Variants in KCNJ3 observed in about 807,000 individuals in gnomAD.
The protein encoded by KCNJ3 is G protein-activated inward rectifier potassium channel 1.
In KCNJ3, 4 loss-of-function variants were observed where a neutral mutation model predicts 39.2. That is an observed-to-expected ratio of 0.10 (90% confidence interval 0.05 to 0.23). The LOEUF (loss-of-function observed/expected upper bound fraction) is 0.23. Among genes scored for constraint, KCNJ3 ranks in the 10% least tolerant of loss-of-function variants. KCNJ3 has a pLI of 1.00. For missense variants in KCNJ3, 276 were observed against 634.9 expected (o/e 0.43, Z 6.08); for synonymous variants, 230 against 237.4 (o/e 0.97, Z 0.29).
At chr2:154,724,481 C>T (rs573987982) in intron 2 of KCNJ3, among the ~76,000 whole-genome samples, 5 of 152,084 alleles carry the variant, frequency 3.3e-5, no homozygotes, top group South Asian at 2.1e-4. Flanking sequence ...TCGTACAGCT[C>T]GAGAATTTTC....
intron 2 of KCNJ3, among the ~76,000 whole-genome samples, chr2:154,806,048 T>G (rs1456286925): frequency 1.3e-5 from 2 of 152,228 alleles, no homozygotes; most frequent in East Asian, 3.9e-4. Flanking sequence ...ATATTCCATT[T>G]GTTTTTTGAA....
At chr2:154,770,872 T>A (rs1397845975) in intron 2 of KCNJ3, among the ~76,000 whole-genome samples, 1 of 148,538 alleles carries the variant, frequency 6.7e-6, no homozygotes, top group Non-Finnish European at 1.5e-5. Context: ...AGTCTCAAGA[T>A]TTTTTTCTTT....
At chr2:154,740,277 C>T (rs1558861356) in intron 2 of KCNJ3, among the ~76,000 whole-genome samples, 1 of 151,928 alleles carries the variant, frequency 6.6e-6, no homozygotes, top group Admixed American at 6.6e-5. Flanking sequence ...ATCTTATGTT[C>T]CCTGTTGTTG....
intron 2 of KCNJ3, among the ~76,000 whole-genome samples, chr2:154,768,738 C>T (rs1038253842): frequency 4.6e-5 from 7 of 152,122 alleles, no homozygotes; most frequent in African/African-American, 1.2e-4. Flanking sequence ...GCATTGGTAG[C>T]TTGATGGGGA....
At chr2:154,747,607 A>G (rs1236553333) in intron 2 of KCNJ3, among the ~76,000 whole-genome samples, 1 of 151,986 alleles carries the variant, frequency 6.6e-6, no homozygotes, top group Non-Finnish European at 1.5e-5. Context: ...TCTCCATTAT[A>G]AGTAAACGGC....
intron 2 of KCNJ3, among the ~76,000 whole-genome samples, chr2:154,805,509 A>G (rs554945131): frequency 4.4e-4 from 67 of 152,310 alleles, no homozygotes; most frequent in African/African-American, 1.4e-3. Context: ...TAAAGTCAGC[A>G]CATCATATGA....
At chr2:154,817,551 T>G (rs1023283940) in intron 2 of KCNJ3, among the ~76,000 whole-genome samples, 2 of 152,166 alleles carry the variant, frequency 1.3e-5, no homozygotes, top group Admixed American at 6.6e-5. Context: ...CATAGAATTT[T>G]AGGATTATGG....
intron 2 of KCNJ3, among the ~76,000 whole-genome samples, chr2:154,809,272 CAGTCAGATA>C (rs1249009883): frequency 1.3e-5 from 2 of 152,034 alleles, no homozygotes; most frequent in Admixed American, 1.3e-4. Context: ...CAGATCTCAC[CAGTCAGATA>C]AGTCAGATAA....
rs151111703 is a variant in KCNJ3 at position 154,761,965 on chromosome 2, G to A, written c.919+52146G>A. 5.3e-5 allele frequency among the ~76,000 whole-genome samples: 8 copies of A among 152,176 alleles called. No homozygotes were observed. The East Asian group carries it at 1.5e-3, about 29-fold the overall frequency. On this transcript the variant is annotated intron_variant, in intron 2 of 2. Transcript: ENST00000295101. Reference sequence around the variant, plus strand: ...CAGGTGTACCCAGTGACATCACAGAGTCCTTATAAAAAAAAAGTCTGAGAA... The same window carrying A: ...CAGGTGTACCCAGTGACATCACAGAATCCTTATAAAAAAAAAGTCTGAGAA...
At chr2:154,740,999 G>A (rs952400356) in intron 2 of KCNJ3, among the ~76,000 whole-genome samples, 1 of 151,910 alleles carries the variant, frequency 6.6e-6, no homozygotes, top group South Asian at 2.1e-4. Flanking sequence ...TGGAATTAAT[G>A]TTGAGAGAAT....
chr2:154,758,264 T>C (rs1685977324), intron 2 of KCNJ3, among the ~76,000 whole-genome samples: 1 of 151,812 alleles, frequency 6.6e-6, no homozygotes, highest in Non-Finnish European at 1.5e-5. Flanking sequence ...TTATACTTGT[T>C]GATTTCTAGA....
intron 2 of KCNJ3, among the ~76,000 whole-genome samples, chr2:154,783,727 A>G (rs553385670): frequency 6.6e-6 from 1 of 152,316 alleles, no homozygotes; most frequent in South Asian, 2.1e-4. Flanking sequence ...ATTTAAACCC[A>G]GGTGACCTTA....
At chr2:154,819,765 G>A (rs1250969298) in intron 2 of KCNJ3, among the ~76,000 whole-genome samples, 2 of 151,884 alleles carry the variant, frequency 1.3e-5, no homozygotes, top group Non-Finnish European at 2.9e-5. Context: ...TCTTGACCTC[G>A]TGATCTACCC....
At chr2:154,849,919 G>A (rs1387558111) in intron 2 of KCNJ3, among the ~76,000 whole-genome samples, 1 of 146,854 alleles carries the variant, frequency 6.8e-6, no homozygotes, top group East Asian at 2.1e-4. Flanking sequence ...ATTTTAAATG[G>A]ACATACTGAT....
chr2:154,735,563 C>G (rs900969779), intron 2 of KCNJ3, among the ~76,000 whole-genome samples: 1 of 152,090 alleles, frequency 6.6e-6, no homozygotes, highest in Non-Finnish European at 1.5e-5. Flanking sequence ...TAATAAAATT[C>G]TCTATTATTT....
At chr2:154,830,445 A>T (rs1687343471) in intron 2 of KCNJ3, among the ~76,000 whole-genome samples, 1 of 152,196 alleles carries the variant, frequency 6.6e-6, no homozygotes, top group African/African-American at 2.4e-5. Context: ...TCAAAACACT[A>T]TAAGATTATT....
chr2:154,848,512 A>G (rs961865457), intron 2 of KCNJ3, among the ~76,000 whole-genome samples: 5 of 152,300 alleles, frequency 3.3e-5, no homozygotes, highest in Non-Finnish European at 5.9e-5. Flanking sequence ...CAGTAGGAAG[A>G]TGATTCATTC....
chr2:154,701,535 G>T (rs779928276), intron 1 of KCNJ3, among the ~76,000 whole-genome samples: 1 of 151,962 alleles, frequency 6.6e-6, no homozygotes, highest in Non-Finnish European at 1.5e-5. Context: ...CTCTACACTG[G>T]TGCAGGGTAC....
At chr2:154,818,918 C>CTTTTTTTTTTTTTTTTTTTTTTTTT (rs57668487) in intron 2 of KCNJ3, among the ~76,000 whole-genome samples, 1 of 52,430 alleles carries the variant, frequency 1.9e-5, no homozygotes, top group Non-Finnish European at 3.1e-5. Flanking sequence ...CTGCAAAAGC[C>CTTTTTTTTTTTTTTTTTTTTTTTTT]TTTTTTTTTT....
Sources: allele counts gnomAD v4.1 joint callset (sites outside exome capture counted in the v4.1 genomes callset), GRCh38; gene constraint gnomAD v4.1.1; transcripts MANE v1.5; gene names NCBI Gene and HGNC (gene_info 2026-07-23, HGNC 2026-07-21).